Variants in ALPL observed in about 807,000 individuals in gnomAD.
The protein encoded by ALPL is alkaline phosphatase, tissue-nonspecific isozyme.
ALPL carries 42 observed loss-of-function variants against 51.3 expected under a neutral mutation model. That is an observed-to-expected ratio of 0.82 (90% CI 0.64 to 1.06). The LOEUF is 1.06. Among genes scored for constraint, ALPL ranks in the 50% least tolerant of loss-of-function variants. ALPL has a pLI of 0.00. For synonymous variants in ALPL, 279 were observed against 296.4 expected (o/e 0.94, Z 0.60); for missense variants, 589 against 709.4 (o/e 0.83, Z 1.93).
intron 1 of ALPL, among the ~76,000 whole-genome samples, chr1:21,519,885 G>C (rs542712587): frequency 6.6e-6 from 1 of 152,264 alleles, no homozygotes; most frequent in South Asian, 2.1e-4. Flanking sequence ...CTGCACCAAG[G>C]AATTAGGTAC....
intron 1 of ALPL, among the ~76,000 whole-genome samples, chr1:21,553,738 A>G (rs1431479712): frequency 6.6e-6 from 1 of 152,196 alleles, no homozygotes; most frequent in Non-Finnish European, 1.5e-5. Context: ...CACTTAGGAA[A>G]TGGGACGGAA....
At chr1:21,559,709 G>A (rs1283729248) in intron 2 of ALPL, among the ~76,000 whole-genome samples, 1 of 152,106 alleles carries the variant, frequency 6.6e-6, no homozygotes, top group East Asian at 1.9e-4. Flanking sequence ...CAGTAGAGAC[G>A]GGATATCACC....
chr1:21,577,112 G>A (rs1644748017), intron 11 of ALPL, among the ~76,000 whole-genome samples: 1 of 152,166 alleles, frequency 6.6e-6, no homozygotes, highest in Non-Finnish European at 1.5e-5. Context: ...GCAATGGTAA[G>A]AGTCTCCCCG....
At chr1:21,538,295 C>T (rs1457754705) in intron 1 of ALPL, among the ~76,000 whole-genome samples, 1 of 152,170 alleles carries the variant, frequency 6.6e-6, no homozygotes, top group Non-Finnish European at 1.5e-5. Context: ...CTGGGGCTCT[C>T]GGCGTCAGCC....
chr1:21,568,046 A>T, intron 6 of ALPL, 58 bp from the exon 7 acceptor site: 2 of 1,612,488 alleles, frequency 1.2e-6, no homozygotes, highest in Non-Finnish European at 1.7e-6. Flanking sequence ...AGCCGAGGTC[A>T]CTGGGGCTTC....
chr1:21,545,276 TTTTTG>T (rs1644239010), intron 1 of ALPL, among the ~76,000 whole-genome samples: 1 of 144,930 alleles, frequency 6.9e-6, no homozygotes, highest in Non-Finnish European at 1.5e-5. Flanking sequence ...TTTGGGGGTT[TTTTTG>T]TTTTTGTTTT....
At chr1:21,551,667 C>T (rs1032368196) in intron 1 of ALPL, among the ~76,000 whole-genome samples, 13 of 151,488 alleles carry the variant, frequency 8.6e-5, no homozygotes, top group Non-Finnish European at 1.6e-4. Flanking sequence ...GCCGCTACCC[C>T]CAGCCCCTAC....
At chr1:21,554,412 CATATATATTTTTCCATATATATATTTCAT>C (rs1349346514) in intron 2 of ALPL, among the ~76,000 whole-genome samples, 24 of 146,536 alleles carry the variant, frequency 1.6e-4, no homozygotes, top group Admixed American at 4.1e-4. Context: ...ATATTTTCCA[CATATATATTTTTCCATATATATATTTCAT>C]ATATATATTT....
chr1:21,516,729 C>T (rs1228544969), intron 1 of ALPL, among the ~76,000 whole-genome samples: 1 of 152,234 alleles, frequency 6.6e-6, no homozygotes, highest in African/African-American at 2.4e-5. Context: ...TATTCTAGGT[C>T]TGTTAGCCTA....
intron 1 of ALPL, among the ~76,000 whole-genome samples, chr1:21,531,316 G>A (rs1644027692): frequency 6.6e-6 from 1 of 152,088 alleles, no homozygotes; most frequent in African/African-American, 2.4e-5. Flanking sequence ...GCTGTCTCAA[G>A]GTCCTGGGCT....
chr1:21,571,925 T>C (rs10917016), intron 8 of ALPL, among the ~76,000 whole-genome samples: 28,481 of 149,610 alleles, frequency 0.19, 3,233 homozygotes, highest in East Asian at 0.46. Flanking sequence ...CCCAGGAGGT[T>C]GAGGCTGCAG....
chr1:21,554,522 G>A (rs962805240), intron 2 of ALPL, among the ~76,000 whole-genome samples: 11 of 140,718 alleles, frequency 7.8e-5, no homozygotes, highest in South Asian at 2.2e-4. Flanking sequence ...ACAGGGTTTC[G>A]CTCTGTTGCC....
At position 21,577,573 on chromosome 1, in the gene ALPL, C is replaced by CG; in HGVS notation, c.1500_1501insG (p.Ser501GlufsTer?). 1 of 1,603,444 alleles carries CG rather than the reference C, an allele frequency of 6.2e-7. No individual in the cohort carries two copies. The highest frequency in any genetic ancestry group is 8.5e-7 in the Non-Finnish European group (1 of 1,179,804). ...CCAACCTCGGCCACTGTGCTCCTGCCAGCTCGGCAGGCAGCCTTGCTGCAG... is the reference window on the plus strand; with the variant it reads ...CCAACCTCGGCCACTGTGCTCCTGCCGAGCTCGGCAGGCAGCCTTGCTGCAG... On this transcript the variant is annotated frameshift_variant, in exon 12 of 12. Transcript: ENST00000374840. LOFTEE classifies it low-confidence loss of function (END_TRUNC).
At chr1:21,561,348 G>T (rs1407185625) in intron 4 of ALPL, 136 bp downstream of exon 4, 2 of 748,312 alleles carry the variant, frequency 2.7e-6, no homozygotes, top group Non-Finnish European at 4.7e-6. Flanking sequence ...ACCTGGAGCA[G>T]CCACTGCCCT....
chr1:21,552,479 CA>C (rs34760747), intron 1 of ALPL, among the ~76,000 whole-genome samples: 70,625 of 123,324 alleles, frequency 0.57, 17,898 homozygotes, highest in East Asian at 0.82. Flanking sequence ...AACTCCGTCT[CA>C]AAAAAAAAAA....
chr1:21,573,718 G>A lies in ALPL; in HGVS notation c.916G>A (p.Asp306Asn). 6.2e-7 allele frequency: 1 copy of A among 1,614,138 alleles called. No homozygotes were observed. The highest frequency in any genetic ancestry group is 8.5e-7 in the Non-Finnish European group (1 of 1,180,026). ...QYELNRNNVT[D>N]PSLSEMVVVA... ...CGAGCTGAACAGGAACAACGTGACG[G>A]ACCCGTCACTCTCCGAGATGGTGGT... Residue 306 changes from aspartate to asparagine, a missense_variant, in exon 9 of 12, where the codon GAC (aspartate) becomes AAC (asparagine). Physicochemically the swap from Asp to Asn is conservative, Grantham distance 23. Transcript: ENST00000374840.
rs1220405473 is a variant in ALPL, at chr1:21,573,711, C to T, written c.909C>T (p.Asn303=). 9.3e-6 allele frequency: 15 copies of T among 1,614,074 alleles called. No homozygotes were observed. Among genetic ancestry groups the T allele is most frequent in the South Asian group, 2.2e-5 (2 of 91,064 alleles). Residue 303 remains asparagine, a synonymous_variant, in exon 9 of 12, where the codon AAC becomes AAT. Transcript: ENST00000374840. ...GDMQYELNRN[N]VTDPSLSEMV... ...TGCAGTACGAGCTGAACAGGAACAA[C>T]GTGACGGACCCGTCACTCTCCGAGA...
Position 21,555,206 on chromosome 1 carries a change from C to T in ALPL, c.61+1064C>T, listed in dbSNP as rs201871636. On this transcript the variant is annotated intron_variant, in intron 2 of 11. Coordinates refer to ENST00000374840, the MANE Select transcript of ALPL (RefSeq NM_000478.6). Reference sequence around the variant, plus strand: ...GGGAGCTTTTTGAGCCAGGATGAGCCAGGAGAAGGAATTTCACAAGGTAAT... The same window carrying T: ...GGGAGCTTTTTGAGCCAGGATGAGCTAGGAGAAGGAATTTCACAAGGTAAT... Among the ~76,000 whole-genome samples the T allele has an allele frequency of 5.4e-4, 82 of 152,132 alleles. No homozygotes were observed. The East Asian group carries it at 0.013, about 24-fold the overall frequency.
intron 1 of ALPL, among the ~76,000 whole-genome samples, chr1:21,528,983 T>G (rs1433825067): frequency 6.6e-6 from 1 of 151,204 alleles, no homozygotes; most frequent in Non-Finnish European, 1.5e-5. Flanking sequence ...GGCAGAGAAT[T>G]GCTTGAACCC....
Sources: allele counts gnomAD v4.1 joint callset (sites outside exome capture counted in the v4.1 genomes callset), GRCh38; gene constraint gnomAD v4.1.1; transcripts MANE v1.5; gene names NCBI Gene and HGNC (gene_info 2026-07-23, HGNC 2026-07-21).